DLL3: variants seen among roughly 807,000 people sequenced by gnomAD.
The protein encoded by DLL3 is delta-like protein 3.
Under a neutral mutation model 55.0 loss-of-function variants are expected in DLL3, and 49 were observed. The observed-to-expected ratio is 0.89, with a 90% CI of 0.71 to 1.13. DLL3 has a LOEUF of 1.13. Among genes scored for constraint, DLL3 ranks in the 50% most tolerant of loss-of-function variants. The probability of loss-of-function intolerance (pLI) is 0.00; values close to 1 mark genes in which losing one functional copy is unlikely to be tolerated. For synonymous variants in DLL3, 421 were observed against 385.2 expected (o/e 1.09, Z -1.09); for missense variants, 962 against 875.5 (o/e 1.10, Z -1.25).
In DLL3 at chr19:39,499,109, G is replaced by A; in HGVS notation, c.69+66G>A. The A allele has an allele frequency of 2.5e-6, 4 of 1,613,134 alleles. No homozygotes were observed. In the Admixed American group the frequency reaches 6.7e-5, roughly 27 times the overall value. ...CGGAGGGGAGGGGTGAGTGCGACCT[G>A]AAGGTCCTGGGGAAGGAGCGTGGGG... On this transcript the variant is annotated intron_variant, in intron 1 of 8. Coordinates refer to ENST00000356433, the MANE Select transcript of DLL3 (RefSeq NM_203486.3).
intron 4 of DLL3, 65 bp downstream of exon 4, chr19:39,503,122 C>A (rs2079621013): frequency 6.8e-7 from 1 of 1,480,264 alleles, no homozygotes; most frequent in Non-Finnish European, 9.0e-7. Context: ...GAGCGTCACT[C>A]GCGGCCCCCA....
chr19:39,507,226 C>G lies in DLL3; in HGVS notation c.1281C>G (p.Arg427=), dbSNP rs1278815858. The change falls in exon 7 of 9, where the codon CGC becomes CGG. Residue 427 remains arginine, a synonymous_variant. Transcript: ENST00000356433. ...CALGFGGRDC[R]ERADPCAARP... The stretch of plus-strand genomic sequence containing the variant: ...TGGGCTTCGGCGGCCGCGACTGCCG[C>G]GAGCGCGCGGACCCGTGCGCCGCGC... The G allele has an allele frequency of 7.3e-7, 1 of 1,371,166 alleles. No individual in the cohort carries two copies. The highest frequency in any genetic ancestry group is 9.3e-7 in the Non-Finnish European group (1 of 1,070,922). The allele number at this position is 1,371,166 out of a possible 1,614,324, so 84.9% of individuals were successfully genotyped here.
At chr19:39,505,472 C>A in intron 6 of DLL3, 21 bp downstream of exon 6, 1 of 1,612,736 alleles carries the variant, frequency 6.2e-7, no homozygotes, top group South Asian at 1.1e-5. Flanking sequence ...GAGGCCTGAA[C>A]GGCGAGGGAT....
chr19:39,498,960 C>T lies in DLL3; in HGVS notation c.-15C>T. The T allele has an allele frequency of 6.2e-7, 1 of 1,614,008 alleles. No individual in the cohort carries two copies. Among genetic ancestry groups the T allele is most frequent in the Non-Finnish European group, 8.5e-7 (1 of 1,180,010 alleles). On this transcript the variant is annotated 5_prime_UTR_variant, in exon 1 of 9. Coordinates refer to ENST00000356433, the MANE Select transcript of DLL3 (RefSeq NM_203486.3). Reference sequence around the variant, plus strand: ...CCAGCAGCTGCGACTCCCGAGACCCCCCCACCAGAAGGCCATGGTCTCCCC... The same window carrying T: ...CCAGCAGCTGCGACTCCCGAGACCCTCCCACCAGAAGGCCATGGTCTCCCC...
chr19:39,500,304 G>T (rs1045335487), intron 2 of DLL3, among the ~76,000 whole-genome samples: 9 of 151,210 alleles, frequency 6.0e-5, no homozygotes, highest in African/African-American at 1.9e-4. Context: ...TGACATGCGC[G>T]TGTAGTCCCA....
At chr19:39,501,575 G>A (rs1445396293) in intron 3 of DLL3, among the ~76,000 whole-genome samples, 1 of 152,122 alleles carries the variant, frequency 6.6e-6, no homozygotes, top group Non-Finnish European at 1.5e-5. Flanking sequence ...ACAGGCTTTG[G>A]CTTCCCAAAA....
In DLL3 at chr19:39,499,420, G is replaced by T. The variant is rs1273182338; in HGVS notation, c.298G>T (p.Asp100Tyr). Residue 100 changes from aspartate to tyrosine, a missense_variant, in exon 2 of 9, where the codon GAT becomes TAT. Coordinates refer to ENST00000356433, the MANE Select transcript of DLL3 (RefSeq NM_203486.3). ...CGAGCAGCCCGGAGCGCCCGCGCCT[G>T]ATCTCCCACTGCCCGACGGCCTCTT... ...YTEQPGAPAP[D>Y]LPLPDGLLQV... is the part of the protein sequence containing the mutation. The T allele has an allele frequency of 2.5e-6, 4 of 1,589,756 alleles. No individual in the cohort carries two copies. The highest frequency in any genetic ancestry group is 3.4e-6 in the Non-Finnish European group (4 of 1,175,776).
In DLL3 at chr19:39,502,981, T is replaced by A; in HGVS notation, c.576T>A (p.Arg192=). ...GGACCGCGTGCACGCGCCTCTGCCGTCCGCGCAGCGCCCCCTCGCGGTGCG... is the reference window on the plus strand; with the variant it reads ...GGACCGCGTGCACGCGCCTCTGCCGACCGCGCAGCGCCCCCTCGCGGTGCG... ...AVGTACTRLC[R]PRSAPSRCGP... Residue 192 remains arginine (R), a synonymous_variant, in exon 4 of 9, where the codon CGT becomes CGA. Transcript: ENST00000356433. 4 of 1,482,952 alleles carry A rather than the reference T, an allele frequency of 2.7e-6. No individual in the cohort carries two copies. Among genetic ancestry groups the A allele is most frequent in the Non-Finnish European group, 3.6e-6 (4 of 1,124,368 alleles). 91.9% of individuals were successfully genotyped at this position (1,482,952 alleles called of 1,614,324 possible).
intron 1 of DLL3, 33 bp from the exon 2 acceptor site, chr19:39,499,159 G>T: frequency 6.3e-7 from 1 of 1,598,476 alleles, no homozygotes; most frequent in Non-Finnish European, 8.5e-7. Context: ...GGGTCCTCCC[G>T]GCCGCCTCAC....
intron 8 of DLL3, 124 bp from the exon 9 acceptor site, chr19:39,508,128 C>T: frequency 1.9e-6 from 3 of 1,613,290 alleles, no homozygotes; most frequent in South Asian, 2.2e-5. Flanking sequence ...TTTGAAAAAC[C>T]TATGGGCTTG....
rs771849483 is a variant in DLL3 at position 39,507,832 on chromosome 19, C to A, written c.1676C>A (p.Ser559Ter). The change falls in exon 8 of 9, where the codon TCG (serine) becomes TAG (stop). Residue 559 changes from serine (S) to a stop codon, truncating the protein, a stop_gained and splice_region_variant. Coordinates refer to ENST00000356433, the MANE Select transcript of DLL3 (RefSeq NM_203486.3). LOFTEE classifies it high-confidence loss of function. Reference protein sequence around the residue: ...TQEGSGDGPSSSVDWNRPEDV... With the variant: ...TQEGSGDGPS ...TTCTTCTTTCTCTCCTCCCACAGCT[C>A]GTCCGTAGATTGGAATCGCCCTGAA... 3.1e-6 allele frequency: 5 copies of A among 1,614,136 alleles called. No individual in the cohort carries two copies. Among genetic ancestry groups the A allele is most frequent in the Non-Finnish European group, 3.4e-6 (4 of 1,180,016 alleles).
In DLL3 at chr19:39,499,271, G is replaced by A; in HGVS notation, c.149G>A (p.Cys50Tyr). 6.5e-6 allele frequency: 10 copies of A among 1,541,772 alleles called. No homozygotes were observed. Among genetic ancestry groups the A allele is most frequent in the Non-Finnish European group, 8.7e-6 (10 of 1,148,064 alleles). The change falls in exon 2 of 9, where the codon TGC becomes TAC. Residue 50 changes from cysteine to tyrosine, a missense_variant. Transcript: ENST00000356433. Reference sequence around the variant, plus strand: ...GGCCCTGGGGCCCCGCGGTCCCCCTGCAGCGCCCGGCTCCCCTGCCGCCTC... The same window carrying A: ...GGCCCTGGGGCCCCGCGGTCCCCCTACAGCGCCCGGCTCCCCTGCCGCCTC... The part of the protein sequence containing the change: ...GPGPGAPRSP[C>Y]SARLPCRLFF...
chr19:39,503,961 A>T, intron 4 of DLL3, 110 bp from the exon 5 acceptor site: 1 of 1,031,626 alleles, frequency 9.7e-7, no homozygotes, highest in Non-Finnish European at 1.5e-6. Context: ...CACAAAGATG[A>T]AGCAAGGTGG....
chr19:39,504,349 C>G, intron 5 of DLL3, 61 bp downstream of exon 5: 1 of 1,554,948 alleles, frequency 6.4e-7, no homozygotes, highest in Non-Finnish European at 8.8e-7. Context: ...CCACAGCCCT[C>G]TCCCTGGGGC....
intron 3 of DLL3, among the ~76,000 whole-genome samples, chr19:39,502,392 A>C (rs1048852860): frequency 1.2e-4 from 18 of 151,374 alleles, no homozygotes; most frequent in Non-Finnish European, 1.5e-5. Context: ...CCTCCCGAGT[A>C]GATGGGATTA....
At chr19:39,505,692 AACAG>A (rs1463429384) in intron 6 of DLL3, 12 of 535,566 alleles carry the variant, frequency 2.2e-5, no homozygotes, top group South Asian at 1.5e-4. Flanking sequence ...CAGGGAATGA[AACAG>A]ACAAAGTCCC....
chr19:39,507,512 G>C lies in DLL3; in HGVS notation c.1567G>C (p.Asp523His). ...VHVRRRGHSQDAGSRLLAGTP... is the reference protein window; with the variant it reads ...VHVRRRGHSQHAGSRLLAGTP... ...CGTGCGCCGCCGTGGCCACTCCCAG[G>C]ATGCTGGGTCTCGCTTGCTGGCTGG... The change falls in exon 7 of 9, where the codon GAT becomes CAT. Residue 523 changes from aspartate (D) to histidine (H), a missense_variant. Coordinates refer to ENST00000356433, the MANE Select transcript of DLL3 (RefSeq NM_203486.3). 1.9e-6 allele frequency: 3 copies of C among 1,601,124 alleles called. No homozygotes were observed. Among genetic ancestry groups the C allele is most frequent in the Non-Finnish European group, 1.7e-6 (2 of 1,174,952 alleles).
intron 2 of DLL3, 144 bp from the exon 3 acceptor site, chr19:39,500,471 T>G (rs917991395): frequency 7.8e-6 from 4 of 513,464 alleles, no homozygotes; most frequent in African/African-American, 2.0e-5. Context: ...CCTGGGCTGG[T>G]CTGGTCCCTC....
Position 39,498,963 on chromosome 19 carries a change from C to G in DLL3, c.-12C>G. ...GCAGCTGCGACTCCCGAGACCCCCC[C>G]ACCAGAAGGCCATGGTCTCCCCACG... On this transcript the variant is annotated 5_prime_UTR_variant, in exon 1 of 9. Coordinates refer to ENST00000356433, the MANE Select transcript of DLL3 (RefSeq NM_203486.3). The G allele has an allele frequency of 1.2e-6, 2 of 1,614,046 alleles. No individual in the cohort carries two copies. The highest frequency in any genetic ancestry group is 1.3e-5 in the African/African-American group (1 of 75,004).
Sources: gnomAD v4.1 joint callset for allele counts (sites outside exome capture counted in the v4.1 genomes callset) on GRCh38, gnomAD v4.1.1 for gene constraint, MANE v1.5 for transcripts, NCBI Gene and HGNC (gene_info 2026-07-23, HGNC 2026-07-21) for gene names.